The following POLR3A variants were observed in gnomAD, a reference collection of about 807,000 sequenced individuals.
The protein encoded by POLR3A is DNA-directed RNA polymerase III subunit RPC1.
In POLR3A, 112 loss-of-function variants were observed where a neutral mutation model predicts 152.8. The ratio of observed to expected loss-of-function variants is 0.73; its 90% confidence interval spans 0.63 to 0.86. POLR3A has a LOEUF of 0.86. Among genes scored for constraint, POLR3A ranks in the 40% least tolerant of loss-of-function variants. POLR3A has a pLI of 0.00. For synonymous variants in POLR3A, 615 were observed against 652.1 expected, an observed-to-expected ratio of 0.94 and a Z score of 0.87; for missense variants, 1,385 against 1,743.1, an observed-to-expected ratio of 0.79 and a Z score of 3.66.
At chr10:77,997,499 T>C (rs1207125489) in intron 19 of POLR3A, among the ~76,000 whole-genome samples, 14 of 152,136 alleles carry the variant, frequency 9.2e-5, no homozygotes, top group Admixed American at 2.6e-4. Context: ...ATCACAAGCA[T>C]TCTTATACAC....
chr10:78,021,483 C>G, intron 8 of POLR3A, 63 bp downstream of exon 8: 2 of 1,584,880 alleles, frequency 1.3e-6, no homozygotes, highest in Admixed American at 3.3e-5. Context: ...GTTTGCAATA[C>G]CAAAATATAA....
In POLR3A at chr10:78,002,201, G is replaced by A; in HGVS notation, c.2355C>T (p.Ser785=). The change falls in exon 17 of 31, where the codon TCC becomes TCT. Residue 785 remains serine, a synonymous_variant. Transcript: ENST00000372371. ...GTGAGAGAGGGGCATGCAGACCTTTGGAGCCGCACAGAGCCATGGTGAGGG... is the reference window on the plus strand; with the variant it reads ...GTGAGAGAGGGGCATGCAGACCTTTAGAGCCGCACAGAGCCATGGTGAGGG... ...NSPLTMALCG[S]KGSFINISQM... 1 of 1,577,654 alleles carries A rather than the reference G, an allele frequency of 6.3e-7. No individual in the cohort carries two copies. Among genetic ancestry groups the A allele is most frequent in the Non-Finnish European group, 8.6e-7 (1 of 1,160,726 alleles).
chr10:78,013,917 A>G lies in POLR3A; in HGVS notation c.1432-127T>C, dbSNP rs1408267830. On this transcript the variant is annotated intron_variant, in intron 10 of 30. Coordinates refer to ENST00000372371, the MANE Select transcript of POLR3A (RefSeq NM_007055.4). ...CACTGGCTTAAGAAAGTAGATTTCC[A>G]GTATGTTCTGTCAAGTGATATATAT... 9 of 1,074,402 alleles carry G rather than the reference A, an allele frequency of 8.4e-6. No homozygotes were observed. The East Asian group carries it at 2.0e-4, about 24-fold the overall frequency. The allele number at this position is 1,074,402 out of a possible 1,614,324, so 66.6% of individuals were successfully genotyped here. A position where few individuals can be genotyped will look rare whatever the true frequency, so the allele number is the denominator to read the frequency against.
chr10:77,993,113 G>T, intron 20 of POLR3A, 84 bp downstream of exon 20: 1 of 987,856 alleles, frequency 1.0e-6, no homozygotes, highest in Non-Finnish European at 1.6e-6. Context: ...TTTATTAACT[G>T]CAATTGATAG....
chr10:78,007,566 A>C (rs1589312544), intron 15 of POLR3A, 136 bp downstream of exon 15: 1 of 734,168 alleles, frequency 1.4e-6, no homozygotes, highest in Non-Finnish European at 2.4e-6. Flanking sequence ...CACATGATTT[A>C]GCCTGGAATG....
At chr10:77,997,471 C>G (rs1847312424) in intron 19 of POLR3A, among the ~76,000 whole-genome samples, 1 of 152,172 alleles carries the variant, frequency 6.6e-6, no homozygotes, top group African/African-American at 2.4e-5. Context: ...TCTCAGGATA[C>G]AAAATCAATG....
At chr10:77,988,642 A>G (rs1197926034) in intron 21 of POLR3A, among the ~76,000 whole-genome samples, 1 of 152,224 alleles carries the variant, frequency 6.6e-6, no homozygotes, top group African/African-American at 2.4e-5. Flanking sequence ...TGCAAACCAG[A>G]GATGAAAAAT....
intron 19 of POLR3A, among the ~76,000 whole-genome samples, chr10:77,995,405 T>A (rs1847289816): frequency 6.6e-6 from 1 of 152,162 alleles, no homozygotes; most frequent in African/African-American, 2.4e-5. Flanking sequence ...TGTGCTGTAT[T>A]CAGGAAATGC....
chr10:78,028,692 G>A (rs1847660760), intron 1 of POLR3A, among the ~76,000 whole-genome samples: 1 of 151,850 alleles, frequency 6.6e-6, no homozygotes, highest in Non-Finnish European at 1.5e-5. Flanking sequence ...TGATAGAGAC[G>A]GGGTTTCGCC....
At chr10:77,993,787 G>A (rs1466043863) in intron 19 of POLR3A, among the ~76,000 whole-genome samples, 2 of 152,134 alleles carry the variant, frequency 1.3e-5, no homozygotes, top group African/African-American at 4.8e-5. Context: ...AGGATCAGGT[G>A]CAGGCCCTCT....
At chr10:78,014,773 C>T (rs536401872) in intron 10 of POLR3A, among the ~76,000 whole-genome samples, 4 of 152,058 alleles carry the variant, frequency 2.6e-5, no homozygotes, top group Non-Finnish European at 5.9e-5. Context: ...TTCTTACTTC[C>T]CAAAATCACA....
rs771607996 is a variant in POLR3A, at chr10:78,021,878, G to A, written c.1030C>T (p.Arg344Cys). The A allele has an allele frequency of 5.6e-6, 9 of 1,613,876 alleles. No homozygotes were observed. The highest frequency in any genetic ancestry group is 1.7e-5 in the Admixed American group (1 of 59,990). Residue 344 changes from arginine to cysteine, a missense_variant, in exon 7 of 31, where the codon CGC becomes TGC. Arg to Cys is a radical substitution (Grantham distance 180). Around this residue, in one of 7 missense-constraint regions of POLR3A, gnomAD observed 493 missense variants for 647.5 expected, o/e 0.76. Transcript: ENST00000372371. The part of the protein sequence containing the change: ...PKKWTRGFVQ[R>C]LKGKQGRFRG... The stretch of plus-strand genomic sequence containing the variant: ...AACCTACCCTGTTTTCCCTTCAGGC[G>A]TTGGACGAAGCCTCTGGTCCACTTC...
chr10:78,009,230 A>G (rs1392856683), intron 14 of POLR3A, among the ~76,000 whole-genome samples: 3 of 152,062 alleles, frequency 2.0e-5, no homozygotes, highest in Admixed American at 2.0e-4. Flanking sequence ...CCGCCGCCAA[A>G]AAGATGACAA....
At chr10:78,010,876 G>C (rs780270290) in intron 11 of POLR3A, among the ~76,000 whole-genome samples, 22 of 152,138 alleles carry the variant, frequency 1.4e-4, no homozygotes, top group Non-Finnish European at 3.2e-4. Context: ...ACAGAGTCTT[G>C]CTTATAGCCC....
chr10:78,003,510 T>C (rs1847379045), intron 16 of POLR3A, among the ~76,000 whole-genome samples: 3 of 152,186 alleles, frequency 2.0e-5, no homozygotes, highest in Admixed American at 2.0e-4. Flanking sequence ...TGACCCATGC[T>C]GGTTGAGATC....
chr10:78,010,415 G>C (rs1031929443), intron 12 of POLR3A, 56 bp downstream of exon 12: 2 of 1,253,432 alleles, frequency 1.6e-6, no homozygotes, highest in Admixed American at 3.4e-5. Flanking sequence ...CACTATGAAC[G>C]AGGAACACTG....
At chr10:78,020,044 G>C (rs937551326) in intron 8 of POLR3A, 5 of 151,758 alleles carry the variant, frequency 3.3e-5, no homozygotes, top group Non-Finnish European at 5.9e-5. Flanking sequence ...TGTGGTGGTG[G>C]GTGCCTGTAA....
At chr10:77,988,664 G>C (rs1250325594) in intron 21 of POLR3A, among the ~76,000 whole-genome samples, 1 of 152,154 alleles carries the variant, frequency 6.6e-6, no homozygotes, top group Non-Finnish European at 1.5e-5. Flanking sequence ...AAGCTGTAGA[G>C]GGCAGTGGGA....
In POLR3A at chr10:78,004,837, A is replaced by C. The variant is rs1322617786; in HGVS notation, c.2126T>G (p.Leu709Arg). The C allele has an allele frequency of 4.3e-6, 7 of 1,613,902 alleles. No individual in the cohort carries two copies. Among genetic ancestry groups the C allele is most frequent in the Non-Finnish European group, 5.9e-6 (7 of 1,179,872 alleles). The change falls in exon 16 of 31, where the codon CTG becomes CGG. Residue 709 changes from leucine (L) to arginine (R), a missense_variant. Physicochemically the swap from Leu to Arg is moderately radical, Grantham distance 102 (BLOSUM62 -2). This residue lies in a region of POLR3A where 170 missense variants were observed against 231.2 expected (regional missense o/e 0.74). Transcript: ENST00000372371. The stretch of plus-strand genomic sequence containing the variant: ...CAGCAACTCATACTTGGCCTTCAGC[A>C]GTCCTTGGCCAGGTGTGACATCACC... Reference protein sequence around the residue: ...GIGDVTPGQGLLKAKYELLNA... With the variant: ...GIGDVTPGQGRLKAKYELLNA...
Sources: gnomAD v4.1 joint callset for allele counts (sites outside exome capture counted in the v4.1 genomes callset) on GRCh38, gnomAD v4.1.1 for gene constraint, gnomAD v4.1.1 regional missense constraint, MANE v1.5 for transcripts, NCBI Gene and HGNC (gene_info 2026-07-23, HGNC 2026-07-21) for gene names.